Variants in PTPRD observed in about 807,000 individuals in gnomAD.
The protein encoded by PTPRD is protein tyrosine phosphatase receptor type D.
Under a neutral mutation model 214.5 loss-of-function variants are expected in PTPRD, and 34 were observed. The ratio of observed to expected loss-of-function variants is 0.16; its 90% CI spans 0.12 to 0.21. The LOEUF (loss-of-function observed/expected upper bound fraction) is 0.21. PTPRD is among the 10% of genes least tolerant of loss of function. PTPRD has a pLI of 1.00. For synonymous variants in PTPRD, 1,128 were observed against 845.7 expected, an observed-to-expected ratio of 1.33 and a Z score of -5.79; for missense variants, 2,545 against 2,398.7, an observed-to-expected ratio of 1.06 and a Z score of -1.27.
At chr9:8,927,889 T>C (rs563320695) in intron 11 of PTPRD, among the ~76,000 whole-genome samples, 1 of 152,358 alleles carries the variant, frequency 6.6e-6, no homozygotes, top group East Asian at 1.9e-4. Context: ...GACTTTTTAA[T>C]GATTGCCATT....
intron 14 of PTPRD, among the ~76,000 whole-genome samples, chr9:8,564,644 G>A (rs540952076): frequency 2.0e-4 from 30 of 152,268 alleles, no homozygotes; most frequent in Admixed American, 9.2e-4. Context: ...AAGTTGTAGT[G>A]AGCCAAGATC....
At chr9:9,560,562 C>T (rs1360400888) in intron 8 of PTPRD, among the ~76,000 whole-genome samples, 1 of 152,198 alleles carries the variant, frequency 6.6e-6, no homozygotes, top group East Asian at 1.9e-4. Flanking sequence ...CCGGGTACCA[C>T]AGCCCATGCT....
At chr9:9,106,645 T>C (rs566347387) in intron 10 of PTPRD, among the ~76,000 whole-genome samples, 103 of 147,538 alleles carry the variant, frequency 7.0e-4, no homozygotes, top group Non-Finnish European at 1.4e-3. Context: ...AGGTTTCATC[T>C]GCAGGCTCCT....
chr9:8,613,626 T>C (rs891202471), intron 14 of PTPRD, among the ~76,000 whole-genome samples: 1 of 152,090 alleles, frequency 6.6e-6, no homozygotes, highest in Non-Finnish European at 1.5e-5. Flanking sequence ...CCTCCTAAAA[T>C]TGCCCTGGTA....
chr9:9,630,580 A>G (rs2095559421), intron 7 of PTPRD, among the ~76,000 whole-genome samples: 1 of 152,206 alleles, frequency 6.6e-6, no homozygotes, highest in African/African-American at 2.4e-5. Context: ...AATTGGTGAC[A>G]ATTTATGAAA....
intron 3 of PTPRD, among the ~76,000 whole-genome samples, chr9:10,223,730 C>T (rs1349562220): frequency 6.7e-6 from 1 of 148,212 alleles, no homozygotes; most frequent in Non-Finnish European, 1.5e-5. Flanking sequence ...AGTAGTTAAA[C>T]CACTGTATTC....
At position 8,789,375 on chromosome 9, in the gene PTPRD, A is replaced by G. The variant is rs565640696; in HGVS notation, c.-103-55429T>C. On this transcript the variant is annotated intron_variant, in intron 11 of 45. Coordinates refer to ENST00000381196, the MANE Select transcript of PTPRD (RefSeq NM_002839.4). ...AACAGACTTCCTTCAGTAGTTGGAT[A>G]CATGATATGTAAAGCTCAGGAACTG... is the stretch of plus-strand genomic sequence containing the variant. Among the ~76,000 whole-genome samples, 23 of 152,342 alleles carry G rather than the reference A, an allele frequency of 1.5e-4. No homozygotes were observed. In the South Asian group the frequency reaches 4.8e-3, roughly 32 times the overall value.
chr9:8,641,761 T>C (rs900021272), intron 12 of PTPRD, among the ~76,000 whole-genome samples: 1 of 152,208 alleles, frequency 6.6e-6, no homozygotes, highest in African/African-American at 2.4e-5. Context: ...AGCCACAAAC[T>C]GCGCACTGAT....
At chr9:9,106,998 C>T in intron 10 of PTPRD, among the ~76,000 whole-genome samples, 1 of 152,080 alleles carries the variant, frequency 6.6e-6, no homozygotes, top group East Asian at 1.9e-4. Context: ...AATCTGAAGC[C>T]CACTTTCTAA....
At chr9:8,851,693 A>G (rs768550566) in intron 11 of PTPRD, among the ~76,000 whole-genome samples, 13 of 152,210 alleles carry the variant, frequency 8.5e-5, no homozygotes, top group Non-Finnish European at 1.3e-4. Context: ...AATACAAAAT[A>G]AGATAAATTT....
At position 10,076,461 on chromosome 9, in the gene PTPRD, C is replaced by T. The variant is rs142027436; in HGVS notation, c.-544-42671G>A. On this transcript the variant is annotated intron_variant, in intron 3 of 45. Coordinates refer to ENST00000381196, the MANE Select transcript of PTPRD (RefSeq NM_002839.4). The stretch of plus-strand genomic sequence containing the variant: ...CTTATTAACTCTGACTGGAGGACTG[C>T]ATCTGTACTGGGAGGACCCTGAATG... Among the ~76,000 whole-genome samples the T allele has an allele frequency of 7.6e-4, 115 of 152,214 alleles. 2 individuals are homozygous for T. The South Asian group carries it at 0.022, about 29-fold the overall frequency.
intron 7 of PTPRD, among the ~76,000 whole-genome samples, chr9:9,732,718 G>T (rs145668447): frequency 2.8e-4 from 42 of 152,218 alleles, no homozygotes; most frequent in Admixed American, 5.9e-4. Flanking sequence ...AGTGCTGAGG[G>T]AGATGGAAGG....
intron 5 of PTPRD, among the ~76,000 whole-genome samples, chr9:9,784,965 T>A (rs1234119277): frequency 1.3e-5 from 2 of 151,496 alleles, no homozygotes; most frequent in African/African-American, 4.8e-5. Flanking sequence ...ATGTACAGGG[T>A]TTGGGTGAAT....
rs1238971095 is a variant in PTPRD, at chr9:8,517,969, G to C, written c.1422C>G (p.Ser474Arg). 6.2e-7 allele frequency: 1 copy of C among 1,614,034 alleles called. No homozygotes were observed. Among genetic ancestry groups the C allele is most frequent in the African/African-American group, 1.3e-5 (1 of 74,926 alleles). ...NNWMKHNVAD[S>R]QITTIGNLVP... ...CTAAGTTGCCAATAGTAGTGATTTG[G>C]CTGTCAGCTACATTGTGTTTCATCC... Residue 474 changes from serine (S) to arginine (R), a missense_variant, in exon 21 of 46, where the codon AGC (serine) becomes AGG (arginine). Coordinates refer to ENST00000381196, the MANE Select transcript of PTPRD (RefSeq NM_002839.4).
chr9:8,335,848 A>T (rs368472509), intron 43 of PTPRD, among the ~76,000 whole-genome samples: 1 of 152,320 alleles, frequency 6.6e-6, no homozygotes, highest in East Asian at 1.9e-4. Flanking sequence ...TACCAATAAC[A>T]GCCAAATCAT....
chr9:10,265,924 T>C (rs970817079), intron 3 of PTPRD, among the ~76,000 whole-genome samples: 4 of 152,234 alleles, frequency 2.6e-5, no homozygotes, highest in Non-Finnish European at 4.4e-5. Context: ...AATATAAAGC[T>C]TTCATCACTG....
In PTPRD at chr9:8,501,058, C is replaced by T. The variant is rs2136998071; in HGVS notation, c.1824G>A (p.Lys608=). ...AEISARTMQS[K]PSAPPQDISC... The stretch of plus-strand genomic sequence containing the variant: ...TAATGTCTTGAGGAGGAGCTGACGG[C>T]TCTTATTTTGGTAGTGAGTTAAAGG... Residue 608 remains lysine, a splice_region_variant and synonymous_variant, in exon 24 of 46, where the codon AAG becomes AAA. Coordinates refer to ENST00000381196, the MANE Select transcript of PTPRD (RefSeq NM_002839.4). The T allele has an allele frequency of 1.2e-6, 2 of 1,609,200 alleles. No individual in the cohort carries two copies. Among genetic ancestry groups the T allele is most frequent in the Non-Finnish European group, 1.7e-6 (2 of 1,176,782 alleles).
intron 14 of PTPRD, among the ~76,000 whole-genome samples, chr9:8,565,042 T>C (rs2088356899): frequency 6.6e-6 from 1 of 152,184 alleles, no homozygotes; most frequent in East Asian, 1.9e-4. Flanking sequence ...CAAATGAAAG[T>C]AATTATGAAG....
At chr9:10,539,433 C>G (rs1042436935) in intron 2 of PTPRD, among the ~76,000 whole-genome samples, 2 of 152,188 alleles carry the variant, frequency 1.3e-5, no homozygotes, top group Non-Finnish European at 2.9e-5. Context: ...GATCTGCCTG[C>G]CTTGGCCTCC....
Sources: gnomAD v4.1 joint callset for allele counts (sites outside exome capture counted in the v4.1 genomes callset) on GRCh38, gnomAD v4.1.1 for gene constraint, MANE v1.5 for transcripts, NCBI Gene and HGNC (gene_info 2026-07-23, HGNC 2026-07-21) for gene names.